DNAH17: variants seen among roughly 807,000 people sequenced by gnomAD.
DNAH17 encodes the protein dynein axonemal heavy chain 17, also known as axonemal beta dynein heavy chain 17.
DNAH17 carries 376 observed loss-of-function variants against 485.6 expected under a neutral mutation model. That is an observed-to-expected ratio of 0.77 (90% CI 0.71 to 0.84). The LOEUF is 0.84. Among genes scored for constraint, DNAH17 ranks in the 40% least tolerant of loss-of-function variants. The probability of loss-of-function intolerance (pLI) is 0.00; values close to 1 mark genes in which losing one functional copy is unlikely to be tolerated. For synonymous variants in DNAH17, 3,031 were observed against 2,405.9 expected, an observed-to-expected ratio of 1.26 and a Z score of -7.60; for missense variants, 6,370 against 5,839.3, an observed-to-expected ratio of 1.09 and a Z score of -2.96.
At chr17:78,438,562 C>T (rs2086946366) in intron 73 of DNAH17, among the ~76,000 whole-genome samples, 1 of 145,624 alleles carries the variant, frequency 6.9e-6, no homozygotes, top group Non-Finnish European at 1.5e-5. Context: ...CAGTGGTGCA[C>T]TCTTGGCTCA....
intron 12 of DNAH17, among the ~76,000 whole-genome samples, chr17:78,561,187 G>A (rs1193736189): frequency 6.6e-6 from 1 of 152,096 alleles, no homozygotes; most frequent in Non-Finnish European, 1.5e-5. Context: ...CCGACCGCCA[G>A]GCCTGGATGA....
intron 13 of DNAH17, among the ~76,000 whole-genome samples, chr17:78,559,508 A>G (rs1304577009): frequency 6.6e-6 from 1 of 151,732 alleles, no homozygotes; most frequent in Non-Finnish European, 1.5e-5. Context: ...GCTCACCACC[A>G]CCTTCACTGC....
In DNAH17 at chr17:78,424,232, A is replaced by C. The variant is rs1417218378; in HGVS notation, c.13142-79T>G. 8 of 1,510,574 alleles carry C rather than the reference A, an allele frequency of 5.3e-6. No individual in the cohort carries two copies. The African/African-American group carries it at 6.8e-5, about 13-fold the overall frequency. The allele number at this position is 1,510,574 out of a possible 1,614,324, so 93.6% of individuals were successfully genotyped here. ...GGCTGGCAGGAAGGGTGGGGTCCTC[A>C]CACTCCCCGCCCTCTGCAGAGCTGG... On this transcript the variant is annotated intron_variant, in intron 80 of 80. Coordinates refer to ENST00000389840, the MANE Select transcript of DNAH17 (RefSeq NM_173628.4).
intron 16 of DNAH17, among the ~76,000 whole-genome samples, chr17:78,548,887 G>A (rs1050523915): frequency 6.6e-6 from 1 of 152,248 alleles, no homozygotes; most frequent in Admixed American, 6.5e-5. Context: ...CTCTGCTTCC[G>A]CACCTAAGTG....
chr17:78,476,878 G>A, intron 51 of DNAH17, 145 bp from the exon 52 acceptor site: 1 of 994,166 alleles, frequency 1.0e-6, no homozygotes, highest in Non-Finnish European at 1.4e-6. Flanking sequence ...TTGGGGCCAG[G>A]GAAGCCACTC....
chr17:78,561,642 G>T, intron 12 of DNAH17, 73 bp downstream of exon 12: 2 of 1,493,348 alleles, frequency 1.3e-6, no homozygotes, highest in African/African-American at 1.4e-5. Context: ...CCCGCTCGGG[G>T]TTGGGACAGT....
At chr17:78,566,869 G>C in intron 10 of DNAH17, 130 bp downstream of exon 10, 6 of 1,337,848 alleles carry the variant, frequency 4.5e-6, no homozygotes, top group Non-Finnish European at 6.1e-6. Context: ...GCTCTACACA[G>C]TTTTCAAAGT....
At chr17:78,511,412 A>T (rs1374078589) in intron 26 of DNAH17, among the ~76,000 whole-genome samples, 1 of 152,118 alleles carries the variant, frequency 6.6e-6, no homozygotes, top group Non-Finnish European at 1.5e-5. Flanking sequence ...CCCCGGCTAG[A>T]TCTGCTGTTT....
chr17:78,486,546 C>A, intron 44 of DNAH17, 40 bp from the exon 45 acceptor site: 1 of 1,561,888 alleles, frequency 6.4e-7, no homozygotes, highest in South Asian at 1.2e-5. Flanking sequence ...AGCCGCTGCT[C>A]TGGGTCTGCC....
rs572375810 is a variant in DNAH17 at position 78,453,699 on chromosome 17, G to T, written c.10407-234C>A. Among the ~76,000 whole-genome samples, 27 of 152,268 alleles carry T rather than the reference G, an allele frequency of 1.8e-4. No homozygotes were observed. In the East Asian group the frequency reaches 4.8e-3, roughly 27 times the overall value. On this transcript the variant is annotated intron_variant, in intron 64 of 80. Transcript: ENST00000389840. ...TGGAGATGAAAATGGAAACAGTTTTGCTTTTTGAGACAGGGTCTCATTCTC... is the reference window on the plus strand; with the variant it reads ...TGGAGATGAAAATGGAAACAGTTTTTCTTTTTGAGACAGGGTCTCATTCTC...
intron 42 of DNAH17, among the ~76,000 whole-genome samples, chr17:78,492,190 C>A (rs2089890986): frequency 6.6e-6 from 1 of 152,116 alleles, no homozygotes; most frequent in Admixed American, 6.5e-5. Flanking sequence ...TTTCTGCAGC[C>A]CACTCTCCAA....
Position 78,462,604 on chromosome 17 carries a change from G to T in DNAH17, c.9174+240C>A, listed in dbSNP as rs114050035. 4.1e-3 allele frequency among the ~76,000 whole-genome samples: 621 copies of T among 152,342 alleles called. 3 individuals carry two copies. The highest frequency in any genetic ancestry group is 0.014 in the African/African-American group (599 of 41,566). The stretch of plus-strand genomic sequence containing the variant: ...ACATGGGGCAGGTGCCATCCCCTGT[G>T]TAATGCGCCCTCCATACAATCAACA... On this transcript the variant is annotated intron_variant, in intron 57 of 80. Coordinates refer to ENST00000389840, the MANE Select transcript of DNAH17 (RefSeq NM_173628.4).
At chr17:78,516,927 T>C (rs2090801547) in intron 25 of DNAH17, among the ~76,000 whole-genome samples, 1 of 152,216 alleles carries the variant, frequency 6.6e-6, no homozygotes, top group South Asian at 2.1e-4. Context: ...CAGAGCACGC[T>C]CTTGTATGGG....
intron 37 of DNAH17, among the ~76,000 whole-genome samples, chr17:78,498,469 G>GC (rs2146703687): frequency 6.6e-6 from 1 of 152,348 alleles, no homozygotes; most frequent in South Asian, 2.1e-4. Context: ...AACAAGTGGG[G>GC]CCCACGCTGG....
At chr17:78,527,839 T>C (rs1260230286) in intron 22 of DNAH17, among the ~76,000 whole-genome samples, 1 of 152,148 alleles carries the variant, frequency 6.6e-6, no homozygotes, top group Non-Finnish European at 1.5e-5. Context: ...AGTGCAGTGG[T>C]GCGATCTTGG....
rs112180061 is a variant in DNAH17 at position 78,529,296 on chromosome 17, C to T, written c.3507+176G>A. On this transcript the variant is annotated intron_variant, in intron 22 of 80. Coordinates refer to ENST00000389840, the MANE Select transcript of DNAH17 (RefSeq NM_173628.4). ...TCACCGTGGAGGCAGTCCCCAGGGT[C>T]TCCTGTCCCCCAGAAACCTCCTCCC... Among the ~76,000 whole-genome samples, 80 of 152,322 alleles carry T rather than the reference C, an allele frequency of 5.3e-4. 1 individual carries two copies. Among genetic ancestry groups the T allele is most frequent in the African/African-American group, 1.9e-3 (79 of 41,572 alleles).
intron 54 of DNAH17, chr17:78,472,692 A>AGTCCCCGAGGTCACGCACGCT: frequency 2.2e-6 from 1 of 452,496 alleles, no homozygotes; most frequent in Non-Finnish European, 4.4e-6. Flanking sequence ...ACCCCAGCCG[A>AGTCCCCGAGGTCACGCACGCT]GTCCCCGAGG....
intron 75 of DNAH17, among the ~76,000 whole-genome samples, chr17:78,433,190 G>C (rs1006223328): frequency 4.6e-5 from 7 of 152,240 alleles, no homozygotes; most frequent in Non-Finnish European, 2.9e-5. Context: ...TCCTGGGCCT[G>C]TGCCAGGCTT....
intron 58 of DNAH17, among the ~76,000 whole-genome samples, chr17:78,460,860 C>T (rs1487995556): frequency 1.3e-5 from 2 of 152,176 alleles, no homozygotes; most frequent in Non-Finnish European, 2.9e-5. Context: ...AAAGTAGCAC[C>T]TCCTTCATTC....
Sources: allele counts gnomAD v4.1 joint callset (sites outside exome capture counted in the v4.1 genomes callset), GRCh38; gene constraint gnomAD v4.1.1; transcripts MANE v1.5; gene names NCBI Gene and HGNC (gene_info 2026-07-23, HGNC 2026-07-21).